The following CFAP46 variants were observed in gnomAD, a reference collection of about 807,000 sequenced individuals.
The protein encoded by CFAP46 is cilia and flagella associated protein 46, also known as cilia- and flagella-associated protein 46.
Under a neutral mutation model 325.7 loss-of-function variants are expected in CFAP46, and 245 were observed. The ratio of observed to expected loss-of-function variants is 0.75; its 90% CI spans 0.68 to 0.84. The LOEUF (loss-of-function observed/expected upper bound fraction) is 0.84, where lower values mean the gene tolerates loss of function less well. CFAP46 is among the 40% of genes least tolerant of loss of function. The probability of loss-of-function intolerance (pLI) is 0.00; values close to 1 mark genes in which losing one functional copy is unlikely to be tolerated. For missense variants in CFAP46, 3,346 were observed against 3,543.0 expected (o/e 0.94, Z 1.41); for synonymous variants, 1,523 against 1,495.9 (o/e 1.02, Z -0.42).
At position 132,919,477 on chromosome 10, in the gene CFAP46, G is replaced by A. The variant is rs1455469796; in HGVS notation, c.1731-35C>T. On this transcript the variant is annotated intron_variant, in intron 14 of 57. Coordinates refer to ENST00000368586, the MANE Select transcript of CFAP46 (RefSeq NM_001200049.3). The surrounding 1 kb of genome is among the most constrained non-coding windows in gnomAD (Gnocchi z 9.7). ...GAGAACCCAAACGAGTGAAAGGTGA[G>A]TAGACAAGTGTGGTTGCTGAAGTTA... is the stretch of plus-strand genomic sequence containing the variant. 1.3e-6 allele frequency: 2 copies of A among 1,526,274 alleles called. No individual in the cohort carries two copies. Among genetic ancestry groups the A allele is most frequent in the Non-Finnish European group, 8.8e-7 (1 of 1,134,346 alleles). 94.5% of individuals were successfully genotyped at this position (1,526,274 alleles called of 1,614,324 possible).
In CFAP46 at chr10:132,880,500, G is replaced by A. The variant is rs183467132; in HGVS notation, c.3799+361C>T. ...AGGGTCTGAGGTGCTCTGGACCCCC[G>A]CTCCCCCGGCCTCCTGAGGAAGGCT... On this transcript the variant is annotated intron_variant, in intron 28 of 57. Transcript: ENST00000368586. Among the ~76,000 whole-genome samples the A allele has an allele frequency of 5.3e-3, 800 of 152,298 alleles. 7 individuals carry two copies. The highest frequency in any genetic ancestry group is 0.016 in the African/African-American group (665 of 41,576).
At chr10:132,912,592 T>TCTTTCACCTCTC in intron 19 of CFAP46, 63 bp downstream of exon 19, 1 of 1,331,534 alleles carries the variant, frequency 7.5e-7, no homozygotes, top group Non-Finnish European at 9.9e-7. Flanking sequence ...CTCCTCTCTC[T>TCTTTCACCTCTC]CTCTCCTCTC....
Position 132,851,308 on chromosome 10 carries a change from G to A in CFAP46, c.5575-3C>T, listed in dbSNP as rs1390243686. On this transcript the variant is annotated splice_region_variant and splice_polypyrimidine_tract_variant and intron_variant, in intron 39 of 57. Coordinates refer to ENST00000368586, the MANE Select transcript of CFAP46 (RefSeq NM_001200049.3). The stretch of plus-strand genomic sequence containing the variant: ...AGGGGCGTGTTGACGTTCTGCAACT[G>A]AGGGGGTCAGGCATGCCTCTGAAGC... 2 of 1,612,702 alleles carry A rather than the reference G, an allele frequency of 1.2e-6. No homozygotes were observed.
chr10:132,910,237 T>A (rs1849521261), intron 19 of CFAP46, 169 bp from the exon 20 acceptor site: 1 of 561,436 alleles, frequency 1.8e-6, no homozygotes, highest in East Asian at 3.5e-5. Context: ...ACCCAGCAGA[T>A]GAAGCCCCAC....
Position 132,835,424 on chromosome 10 carries a change from C to A in CFAP46, c.6624G>T (p.Lys2208Asn). The A allele has an allele frequency of 1.9e-6, 3 of 1,613,420 alleles. No homozygotes were observed. The highest frequency in any genetic ancestry group is 2.5e-6 in the Non-Finnish European group (3 of 1,179,870). ...GKVQAVGGSCKVMRLAISPTA... is the reference protein window; with the variant it reads ...GKVQAVGGSCNVMRLAISPTA... ...TGGGACTTATGGCCAGACGCATCAC[C>A]TTGCAGGAGCCTGTGGGGACATGGA... Residue 2208 changes from lysine to asparagine, a missense_variant, in exon 47 of 58, where the codon AAG becomes AAT. Lys to Asn is a moderately conservative substitution (Grantham distance 94). Coordinates refer to ENST00000368586, the MANE Select transcript of CFAP46 (RefSeq NM_001200049.3).
Position 132,828,488 on chromosome 10 carries a change from C to T in CFAP46, c.7117+4870G>A, listed in dbSNP as rs1848096161. Reference sequence around the variant, plus strand: ...CCTTCCATCGTACTTTGTTTGCTATCTAAATCTTTTCTCGTGAAGTATCTG... The same window carrying T: ...CCTTCCATCGTACTTTGTTTGCTATTTAAATCTTTTCTCGTGAAGTATCTG... On this transcript the variant is annotated intron_variant, in intron 50 of 57. Transcript: ENST00000368586. This position sits in a 1 kb window ranked among gnomAD's most constrained non-coding sequence, Gnocchi z 4.9. 6.6e-6 allele frequency among the ~76,000 whole-genome samples: 1 copy of T among 152,192 alleles called. No individual in the cohort carries two copies. The highest frequency in any genetic ancestry group is 1.5e-5 in the Non-Finnish European group (1 of 68,038).
Position 132,847,205 on chromosome 10 carries a change from C to G in CFAP46, c.6069G>C (p.Arg2023Ser), listed in dbSNP as rs757508877. 6.2e-7 allele frequency: 1 copy of G among 1,612,598 alleles called. No individual in the cohort carries two copies. Among genetic ancestry groups the G allele is most frequent in the East Asian group, 2.2e-5 (1 of 44,860 alleles). Residue 2023 changes from arginine to serine, a missense_variant, in exon 42 of 58, where the codon AGG becomes AGC. Transcript: ENST00000368586. This position sits in a 1 kb window ranked among gnomAD's most constrained non-coding sequence, Gnocchi z 5.2. ...GCCGCACCTTCAGGTCCTCGCCTCT[C>G]CTGCAGTGCTCCTCCGGGGCTGCCC... ...ASRAAPEEHCRRGEDLKRRMV... is the reference protein window; with the variant it reads ...ASRAAPEEHCSRGEDLKRRMV...
intron 44 of CFAP46, among the ~76,000 whole-genome samples, chr10:132,838,574 G>A (rs1016838823): frequency 1.4e-4 from 22 of 152,282 alleles, no homozygotes; most frequent in Non-Finnish European, 2.9e-5. Flanking sequence ...GCGTGGGGCT[G>A]GCCTTCCTCC....
At chr10:132,888,199 T>A (rs926665903) in intron 25 of CFAP46, among the ~76,000 whole-genome samples, 5 of 151,810 alleles carry the variant, frequency 3.3e-5, no homozygotes, top group Admixed American at 2.0e-4. Context: ...TGGGCACCAA[T>A]GCGGGCTCCA....
At chr10:132,911,267 C>T (rs943761680) in intron 19 of CFAP46, among the ~76,000 whole-genome samples, 34 of 152,242 alleles carry the variant, frequency 2.2e-4, no homozygotes, top group African/African-American at 8.0e-4. Context: ...CCAGGGCCAG[C>T]CGTCCCCACT....
At chr10:132,888,706 G>A (rs866321813) in intron 25 of CFAP46, among the ~76,000 whole-genome samples, 12 of 41,684 alleles carry the variant, frequency 2.9e-4, no homozygotes, top group African/African-American at 2.0e-3. Context: ...CACCCCTGCC[G>A]CCTGCACCCC....
At chr10:132,913,351 T>C (rs1298059511) in intron 17 of CFAP46, 93 bp from the exon 18 acceptor site, 4 of 473,576 alleles carry the variant, frequency 8.4e-6, no homozygotes, top group Admixed American at 6.1e-5. Context: ...GGAACCAGGC[T>C]GCAGGGCAAG....
chr10:132,932,231 C>A (rs1389155340), intron 8 of CFAP46, among the ~76,000 whole-genome samples: 1 of 142,728 alleles, frequency 7.0e-6, no homozygotes, highest in Non-Finnish European at 1.5e-5. Context: ...CCCTACACTC[C>A]CCACACAGAG....
At chr10:132,850,565 C>T in intron 40 of CFAP46, 133 bp from the exon 41 acceptor site, 4 of 877,106 alleles carry the variant, frequency 4.6e-6, no homozygotes, top group Non-Finnish European at 6.7e-6. Flanking sequence ...AAGCCTTGCC[C>T]CGCAGGGAGG....
intron 31 of CFAP46, among the ~76,000 whole-genome samples, chr10:132,875,276 T>C (rs919233224): frequency 7.9e-5 from 12 of 152,220 alleles, no homozygotes; most frequent in African/African-American, 2.9e-4. Context: ...ACCATGTCCA[T>C]GGATCAAAAG....
rs1311110272 is a variant in CFAP46 at position 132,919,796 on chromosome 10, G to A, written c.1730+263C>T. ...AGCCTGCTCTGGTCACAGGCGCTGC[G>A]TGTCCTCCGAGTGACAGCAGTGACA... On this transcript the variant is annotated intron_variant, in intron 14 of 57. Coordinates refer to ENST00000368586, the MANE Select transcript of CFAP46 (RefSeq NM_001200049.3). This position sits in a 1 kb window ranked among gnomAD's most constrained non-coding sequence, Gnocchi z 9.7. 2.0e-5 allele frequency among the ~76,000 whole-genome samples: 3 copies of A among 152,240 alleles called. No homozygotes were observed. Among genetic ancestry groups the A allele is most frequent in the South Asian group, 2.1e-4 (1 of 4,820 alleles).
intron 22 of CFAP46, among the ~76,000 whole-genome samples, chr10:132,907,731 T>C (rs1206490852): frequency 6.6e-6 from 1 of 152,112 alleles, no homozygotes; most frequent in Non-Finnish European, 1.5e-5. Context: ...AGTGATGGTG[T>C]TGGGGTGGCC....
chr10:132,811,630 C>G (rs7084820), intron 55 of CFAP46, among the ~76,000 whole-genome samples: 1 of 152,192 alleles, frequency 6.6e-6, no homozygotes, highest in African/African-American at 2.4e-5. Context: ...TGGCCGTTCC[C>G]GCAGACAGGC....
At chr10:132,880,313 C>T (rs976308960) in intron 28 of CFAP46, among the ~76,000 whole-genome samples, 2 of 152,214 alleles carry the variant, frequency 1.3e-5, no homozygotes, top group Non-Finnish European at 2.9e-5. Context: ...CCAGTGGGGC[C>T]GCCATTGTCT....
Sources: allele counts gnomAD v4.1 joint callset (sites outside exome capture counted in the v4.1 genomes callset), GRCh38; gene constraint gnomAD v4.1.1; non-coding constraint Gnocchi (gnomAD v3.1); transcripts MANE v1.5; gene names NCBI Gene and HGNC (gene_info 2026-07-23, HGNC 2026-07-21).